The following MYO3A variants were observed in gnomAD, a reference collection of about 807,000 sequenced individuals.
MYO3A encodes myosin IIIA, also known as myosin-IIIa.
Under a neutral mutation model 192.7 loss-of-function variants are expected in MYO3A, and 180 were observed. That is an observed-to-expected ratio of 0.93 (90% confidence interval 0.83 to 1.06). The LOEUF (loss-of-function observed/expected upper bound fraction) is 1.06, where lower values mean the gene tolerates loss of function less well. Among genes scored for constraint, MYO3A ranks in the 50% least tolerant of loss-of-function variants. The pLI is 0.00. For synonymous variants in MYO3A, 628 were observed against 645.3 expected, an observed-to-expected ratio of 0.97 and a Z score of 0.41; for missense variants, 1,896 against 1,905.0, an observed-to-expected ratio of 1.00 and a Z score of 0.09.
At chr10:25,965,949 G>GTTT (rs925416760) in intron 4 of MYO3A, among the ~76,000 whole-genome samples, 15 of 145,406 alleles carry the variant, frequency 1.0e-4, no homozygotes, top group African/African-American at 3.6e-4. Context: ...ATTCAGAACT[G>GTTT]TTTTTTTTTT....
At chr10:25,987,667 CTCCT>C (rs2130835688) in intron 4 of MYO3A, among the ~76,000 whole-genome samples, 1 of 152,218 alleles carries the variant, frequency 6.6e-6, no homozygotes, top group South Asian at 2.1e-4. Flanking sequence ...AACCACCTCA[CTCCT>C]TCAAGAATGG....
chr10:26,130,868 CACAG>C (rs1385216959), intron 20 of MYO3A, among the ~76,000 whole-genome samples: 3 of 152,302 alleles, frequency 2.0e-5, no homozygotes, highest in Non-Finnish European at 4.4e-5. Context: ...ATGTAGCTAT[CACAG>C]ACAAAGAGCA....
Position 26,104,549 on chromosome 10 carries a change from T to C in MYO3A, c.1776+7867T>C, listed in dbSNP as rs559673090. Among the ~76,000 whole-genome samples the C allele has an allele frequency of 5.9e-5, 9 of 152,310 alleles. No individual in the cohort carries two copies. The East Asian group carries it at 9.6e-4, about 16-fold the overall frequency. ...TCATTGATTTATATATTTATCCTTA[T>C]ACCAGTATCACACATGAGTATCGCA... On this transcript the variant is annotated intron_variant, in intron 17 of 34. Coordinates refer to ENST00000642920, the MANE Select transcript of MYO3A (RefSeq NM_017433.5).
intron 14 of MYO3A, among the ~76,000 whole-genome samples, chr10:26,081,135 C>T (rs937271338): frequency 1.1e-5 from 1 of 89,528 alleles, no homozygotes; most frequent in Non-Finnish European, 2.6e-5. Flanking sequence ...TATGCCCTTC[C>T]CCCCCCCCCC....
intron 14 of MYO3A, among the ~76,000 whole-genome samples, chr10:26,073,975 T>C (rs978492088): frequency 2.6e-5 from 4 of 152,116 alleles, no homozygotes; most frequent in African/African-American, 7.2e-5. Context: ...TGTATGTAAA[T>C]TATACCTTAA....
chr10:25,967,657 G>C (rs1728325792), intron 4 of MYO3A, among the ~76,000 whole-genome samples: 1 of 152,138 alleles, frequency 6.6e-6, no homozygotes, highest in African/African-American at 2.4e-5. Context: ...CAGAGATGTT[G>C]AAATTAGCTG....
At position 26,003,571 on chromosome 10, in the gene MYO3A, A is replaced by T. The variant is rs543213628; in HGVS notation, c.508+6313A>T. On this transcript the variant is annotated intron_variant, in intron 6 of 34. Coordinates refer to ENST00000642920, the MANE Select transcript of MYO3A (RefSeq NM_017433.5). ...CAAAATGACAAGTGAGGTTATAAAT[A>T]TTATTAATGAAATGTATTAGCCATT... Among the ~76,000 whole-genome samples, 77 of 152,320 alleles carry T rather than the reference A, an allele frequency of 5.1e-4. No individual in the cohort carries two copies. In the Middle Eastern group the frequency reaches 0.027, roughly 54 times the overall value.
At chr10:26,200,392 A>G (rs1261425414) in intron 32 of MYO3A, among the ~76,000 whole-genome samples, 2 of 152,200 alleles carry the variant, frequency 1.3e-5, no homozygotes, top group Non-Finnish European at 2.9e-5. Flanking sequence ...GATACCTGCT[A>G]TAGGGTTTCC....
chr10:26,131,306 C>T (rs902690395), intron 20 of MYO3A, among the ~76,000 whole-genome samples: 1 of 151,174 alleles, frequency 6.6e-6, no homozygotes, highest in Non-Finnish European at 1.5e-5. Flanking sequence ...TATCATTTTC[C>T]CATTGCCTTC....
chr10:25,977,840 C>G (rs1457827958), intron 4 of MYO3A, among the ~76,000 whole-genome samples: 1 of 152,116 alleles, frequency 6.6e-6, no homozygotes, highest in Non-Finnish European at 1.5e-5. Flanking sequence ...TCCACCATCT[C>G]ACTTCCACTT....
At chr10:26,030,955 C>T (rs777751867) in intron 10 of MYO3A, among the ~76,000 whole-genome samples, 2 of 152,134 alleles carry the variant, frequency 1.3e-5, no homozygotes, top group African/African-American at 2.4e-5. Flanking sequence ...TGTTATAATA[C>T]ACTCCTCAAA....
At chr10:26,195,389 C>T (rs1843360457) in intron 32 of MYO3A, among the ~76,000 whole-genome samples, 1 of 152,244 alleles carries the variant, frequency 6.6e-6, no homozygotes, top group Admixed American at 6.5e-5. Flanking sequence ...ACTCCTCTTA[C>T]TGGTCCCTTG....
chr10:25,983,037 T>A (rs1020098391), intron 4 of MYO3A, among the ~76,000 whole-genome samples: 6 of 151,698 alleles, frequency 4.0e-5, no homozygotes, highest in Non-Finnish European at 8.8e-5. Flanking sequence ...CTTAAAGAAA[T>A]TAAAAACATG....
At chr10:26,198,338 G>A (rs539199710) in intron 32 of MYO3A, among the ~76,000 whole-genome samples, 7 of 152,300 alleles carry the variant, frequency 4.6e-5, no homozygotes, top group African/African-American at 1.2e-4. Flanking sequence ...AGCGGAGTGC[G>A]CATGGCCTGT....
At chr10:26,090,230 C>T (rs947833600) in intron 15 of MYO3A, among the ~76,000 whole-genome samples, 8 of 152,280 alleles carry the variant, frequency 5.3e-5, no homozygotes, top group South Asian at 2.1e-4. Context: ...ATATAATTCA[C>T]GGTGTATTCT....
At chr10:25,965,242 G>T (rs566484226) in intron 4 of MYO3A, among the ~76,000 whole-genome samples, 2 of 152,208 alleles carry the variant, frequency 1.3e-5, no homozygotes, top group Non-Finnish European at 2.9e-5. Context: ...TCTTAGATTT[G>T]CCCTTTGGAG....
At chr10:26,095,677 CTTG>C (rs915527497) in intron 15 of MYO3A, among the ~76,000 whole-genome samples, 6 of 152,168 alleles carry the variant, frequency 3.9e-5, no homozygotes, top group African/African-American at 1.4e-4. Context: ...GGAAACTTAC[CTTG>C]TTGTAATCAT....
intron 14 of MYO3A, among the ~76,000 whole-genome samples, chr10:26,076,137 C>T (rs570760548): frequency 5.3e-5 from 8 of 152,130 alleles, no homozygotes; most frequent in Admixed American, 5.2e-4. Flanking sequence ...GTTCTCTGTT[C>T]ACCACATCCA....
chr10:26,079,804 C>T (rs531050449), intron 14 of MYO3A, among the ~76,000 whole-genome samples: 22 of 152,232 alleles, frequency 1.4e-4, no homozygotes, highest in African/African-American at 5.3e-4. Context: ...ATACAAAATT[C>T]TTGGCTGATA....
Sources: gnomAD v4.1 joint callset for allele counts (sites outside exome capture counted in the v4.1 genomes callset) on GRCh38, gnomAD v4.1.1 for gene constraint, MANE v1.5 for transcripts, NCBI Gene and HGNC (gene_info 2026-07-23, HGNC 2026-07-21) for gene names.